The following FAM168A variants were observed in gnomAD, a reference collection of about 807,000 sequenced individuals.
The protein encoded by FAM168A is protein FAM168A.
Under a neutral mutation model 28.5 loss-of-function variants are expected in FAM168A, and 3 were observed. The ratio of observed to expected loss-of-function variants is 0.11; its 90% confidence interval spans 0.05 to 0.27. The LOEUF is 0.27. Ranked by LOEUF, FAM168A falls within the 10% of genes least tolerant of loss-of-function variation. The pLI is 1.00. For synonymous variants in FAM168A, 122 were observed against 124.2 expected (o/e 0.98, Z 0.12); for missense variants, 222 against 311.5 (o/e 0.71, Z 2.16).
chr11:73,573,494 C>T (rs1170415314), intron 1 of FAM168A, among the ~76,000 whole-genome samples: 1 of 152,172 alleles, frequency 6.6e-6, no homozygotes, highest in African/African-American at 2.4e-5. Flanking sequence ...TTCTCATTTC[C>T]ACTATGCAGT....
At chr11:73,569,137 A>T (rs761647833) in intron 1 of FAM168A, among the ~76,000 whole-genome samples, 1 of 152,242 alleles carries the variant, frequency 6.6e-6, no homozygotes, top group Non-Finnish European at 1.5e-5. Flanking sequence ...CTATATTAGC[A>T]CTGTTGTAAT....
chr11:73,511,337 C>T (rs1278454257), intron 1 of FAM168A, among the ~76,000 whole-genome samples: 2 of 151,892 alleles, frequency 1.3e-5, no homozygotes, highest in African/African-American at 2.4e-5. Flanking sequence ...CCTGGGTTCC[C>T]GCCATTCTCC....
chr11:73,554,917 A>G (rs1026106015), intron 1 of FAM168A, among the ~76,000 whole-genome samples: 7 of 152,200 alleles, frequency 4.6e-5, no homozygotes, highest in South Asian at 2.1e-4. Context: ...GCTAAAATCC[A>G]TAAGTTCCTC....
At chr11:73,524,177 T>G (rs1475487857) in intron 1 of FAM168A, among the ~76,000 whole-genome samples, 1 of 152,202 alleles carries the variant, frequency 6.6e-6, no homozygotes, top group African/African-American at 2.4e-5. Context: ...AACCTCTTAA[T>G]TCTCTCTGGA....
chr11:73,532,632 A>G (rs1943527647), intron 1 of FAM168A, among the ~76,000 whole-genome samples: 1 of 152,246 alleles, frequency 6.6e-6, no homozygotes, highest in African/African-American at 2.4e-5. Context: ...TCCTCTACAT[A>G]AATTGGAAAA....
chr11:73,573,571 G>C (rs181745643), intron 1 of FAM168A, among the ~76,000 whole-genome samples: 219 of 152,158 alleles, frequency 1.4e-3, no homozygotes, highest in Middle Eastern at 3.4e-3. Flanking sequence ...CTGTCCCCAA[G>C]GACTACCATA....
intron 1 of FAM168A, among the ~76,000 whole-genome samples, chr11:73,503,047 C>G (rs901748084): frequency 1.3e-5 from 2 of 152,112 alleles, no homozygotes; most frequent in African/African-American, 4.8e-5. Context: ...CAATATCATA[C>G]TCAACAGGCA....
chr11:73,478,374 T>A (rs1406373440), intron 1 of FAM168A, among the ~76,000 whole-genome samples: 1 of 152,156 alleles, frequency 6.6e-6, no homozygotes, highest in African/African-American at 2.4e-5. Flanking sequence ...AAAGAACACA[T>A]ATTGCATGAT....
intron 1 of FAM168A, among the ~76,000 whole-genome samples, chr11:73,482,181 CTTTTTTTTTTTTTTT>C (rs55882143): frequency 1.3e-5 from 1 of 77,556 alleles, no homozygotes; most frequent in African/African-American, 4.7e-5. Flanking sequence ...ATCCAACAGC[CTTTTTTTTTTTTTTT>C]TTTTTTTTTT....
At chr11:73,414,589 C>G (rs1260320995) in intron 4 of FAM168A, among the ~76,000 whole-genome samples, 1 of 152,182 alleles carries the variant, frequency 6.6e-6, no homozygotes, top group African/African-American at 2.4e-5. Context: ...ATACATCAGT[C>G]TCGCGTGTGA....
At chr11:73,493,469 G>A (rs1854799790) in intron 1 of FAM168A, among the ~76,000 whole-genome samples, 1 of 152,208 alleles carries the variant, frequency 6.6e-6, no homozygotes, top group African/African-American at 2.4e-5. Flanking sequence ...CTGGACAGCA[G>A]TGGTGCAATC....
At chr11:73,462,867 AAAGAGAAGAGAAGAGAGGAGAGGAG>A (rs1339018709) in intron 2 of FAM168A, among the ~76,000 whole-genome samples, 19 of 151,854 alleles carry the variant, frequency 1.3e-4, no homozygotes, top group East Asian at 1.9e-4. Context: ...AGTCAGAAGA[AAAGAGAAGAGAAGAGAGGAGAGGAG>A]AAGAGAAGAG....
intron 1 of FAM168A, among the ~76,000 whole-genome samples, chr11:73,533,637 C>T (rs894353390): frequency 6.6e-6 from 1 of 151,934 alleles, no homozygotes; most frequent in African/African-American, 2.4e-5. Context: ...TGGCTTTTAG[C>T]TTTTTTGTTT....
intron 1 of FAM168A, among the ~76,000 whole-genome samples, chr11:73,571,904 G>A (rs1432148121): frequency 7.1e-5 from 10 of 140,446 alleles, no homozygotes; most frequent in Admixed American, 2.8e-4. Flanking sequence ...CCGCCCCACC[G>A]CCCCGTCTGG....
At chr11:73,564,620 G>A (rs1441594032) in intron 1 of FAM168A, among the ~76,000 whole-genome samples, 2 of 151,668 alleles carry the variant, frequency 1.3e-5, no homozygotes, top group African/African-American at 4.8e-5. Flanking sequence ...TCGGGCGCCC[G>A]TAGTCCCAGC....
intron 4 of FAM168A, among the ~76,000 whole-genome samples, chr11:73,416,894 C>T (rs1040780572): frequency 4.0e-5 from 6 of 151,642 alleles, no homozygotes; most frequent in Non-Finnish European, 8.8e-5. Flanking sequence ...TGCAGTGTGA[C>T]GTGATTGTGC....
In FAM168A at chr11:73,461,736, T is replaced by C. The variant is rs147643368; in HGVS notation, c.70+6669A>G. 1.7e-3 allele frequency among the ~76,000 whole-genome samples: 253 copies of C among 152,148 alleles called. 1 individual carries two copies. Among genetic ancestry groups the C allele is most frequent in the African/African-American group, 5.8e-3 (242 of 41,438 alleles). On this transcript the variant is annotated intron_variant, in intron 2 of 7. Transcript: ENST00000356467. ...TTCAAGAGAGAAAAACGATTATGGC[T>C]ATGTTATGTAAAGAACAGACTGGGG... is the stretch of plus-strand genomic sequence containing the variant.
intron 1 of FAM168A, among the ~76,000 whole-genome samples, chr11:73,536,709 G>A (rs776575055): frequency 2.0e-5 from 3 of 151,976 alleles, no homozygotes; most frequent in Non-Finnish European, 4.4e-5. Context: ...ATAATAATAG[G>A]CCTCTCCAAA....
At chr11:73,455,477 T>C (rs1867514195) in intron 2 of FAM168A, among the ~76,000 whole-genome samples, 1 of 152,226 alleles carries the variant, frequency 6.6e-6, no homozygotes, top group Non-Finnish European at 1.5e-5. Context: ...CAGCAATTTG[T>C]ACATTTATTT....
Sources: gnomAD v4.1 joint callset for allele counts (sites outside exome capture counted in the v4.1 genomes callset) on GRCh38, gnomAD v4.1.1 for gene constraint, MANE v1.5 for transcripts, NCBI Gene and HGNC (gene_info 2026-07-23, HGNC 2026-07-21) for gene names.